Variants in PTPRD observed in about 807,000 individuals in gnomAD.
PTPRD encodes the protein receptor-type tyrosine-protein phosphatase delta.
PTPRD carries 34 observed loss-of-function variants against 214.5 expected under a neutral mutation model. That is an observed-to-expected ratio of 0.16 (90% CI 0.12 to 0.21). PTPRD has a LOEUF of 0.21. Among genes scored for constraint, PTPRD ranks in the 10% least tolerant of loss-of-function variants. PTPRD has a pLI of 1.00. For synonymous variants in PTPRD, 1,128 were observed against 845.7 expected, an observed-to-expected ratio of 1.33 and a Z score of -5.79; for missense variants, 2,545 against 2,398.7, an observed-to-expected ratio of 1.06 and a Z score of -1.27.
At chr9:8,383,971 G>C (rs1254965003) in intron 37 of PTPRD, among the ~76,000 whole-genome samples, 1 of 152,138 alleles carries the variant, frequency 6.6e-6, no homozygotes, top group African/African-American at 2.4e-5. Context: ...CATTCTCTCT[G>C]TGTTCTGTAT....
At chr9:10,591,136 C>T (rs61636706) in intron 2 of PTPRD, among the ~76,000 whole-genome samples, 3,873 of 151,930 alleles carry the variant, frequency 0.025, 167 homozygotes, top group African/African-American at 0.089. Context: ...CTTATTTAGA[C>T]CTGTTTTGTG....
At position 9,692,304 on chromosome 9, in the gene PTPRD, T is replaced by C. The variant is rs1482424839; in HGVS notation, c.-287+42229A>G. On this transcript the variant is annotated intron_variant, in intron 7 of 45. Transcript: ENST00000381196. Reference sequence around the variant, plus strand: ...TCCACTTTTTAATTTGATTGGTGTATAAAGCAAGAGGTAGGGATAAAGTTT... The same window carrying C: ...TCCACTTTTTAATTTGATTGGTGTACAAAGCAAGAGGTAGGGATAAAGTTT... Among the ~76,000 whole-genome samples the C allele has an allele frequency of 3.3e-5, 5 of 152,072 alleles. 1 individual carries two copies. The highest frequency in any genetic ancestry group is 1.2e-4 in the African/African-American group (5 of 41,464).
intron 8 of PTPRD, among the ~76,000 whole-genome samples, chr9:9,563,664 T>C (rs1307883958): frequency 1.3e-5 from 2 of 152,174 alleles, no homozygotes; most frequent in East Asian, 1.9e-4. Context: ...CATTATGTTA[T>C]ATGAAAATCA....
At chr9:9,185,204 C>A (rs2099930576) in intron 9 of PTPRD, among the ~76,000 whole-genome samples, 1 of 152,048 alleles carries the variant, frequency 6.6e-6, no homozygotes, top group African/African-American at 2.4e-5. Context: ...AAACAATAAC[C>A]AATCACAGAA....
At chr9:9,003,427 T>C (rs1479884308) in intron 11 of PTPRD, among the ~76,000 whole-genome samples, 1 of 152,058 alleles carries the variant, frequency 6.6e-6, no homozygotes, top group East Asian at 1.9e-4. Context: ...ACTTGTGTTC[T>C]ACCCTCTCAA....
At chr9:8,460,265 T>C in intron 33 of PTPRD, 146 bp downstream of exon 33, 1 of 959,920 alleles carries the variant, frequency 1.0e-6, no homozygotes, top group Non-Finnish European at 1.7e-6. Context: ...GATCTTACTG[T>C]AATGTAAACA....
At chr9:8,888,200 T>C (rs1377082247) in intron 11 of PTPRD, among the ~76,000 whole-genome samples, 2 of 152,188 alleles carry the variant, frequency 1.3e-5, no homozygotes, top group Non-Finnish European at 2.9e-5. Flanking sequence ...ATCTTACTTC[T>C]GAAAAGTGGA....
chr9:9,337,623 C>T lies in PTPRD; in HGVS notation c.-203+59826G>A, dbSNP rs116740441. ...GATGGACAACCTGACAAATCGCATACGTGAACCTGCAAATTTGAAGGCCAA... is the reference window on the plus strand; with the variant it reads ...GATGGACAACCTGACAAATCGCATATGTGAACCTGCAAATTTGAAGGCCAA... On this transcript the variant is annotated intron_variant, in intron 9 of 45. Transcript: ENST00000381196. Among the ~76,000 whole-genome samples the T allele has an allele frequency of 1.8e-3, 271 of 152,226 alleles. 2 individuals carry two copies. The highest frequency in any genetic ancestry group is 6.2e-3 in the African/African-American group (257 of 41,526).
At position 9,980,608 on chromosome 9, in the gene PTPRD, C is replaced by CAAAAAA. The variant is rs750547585; in HGVS notation, c.-471-42004_-471-41999dup. Among the ~76,000 whole-genome samples, 24 of 10,882 alleles carry CAAAAAA rather than the reference C, an allele frequency of 2.2e-3. 7 individuals are homozygous for CAAAAAA. Among genetic ancestry groups the CAAAAAA allele is most frequent in the African/African-American group, 5.1e-3 (14 of 2,758 alleles). The allele number at this position is 10,882 out of a possible 152,430, so 7.1% of individuals were successfully genotyped here. Reference sequence around the variant, plus strand: ...TGGGTAACAGAGTGAGACACCTTGTCAAAAAAAAACAAAAAAAAAAAAAAA... The same window carrying CAAAAAA: ...TGGGTAACAGAGTGAGACACCTTGTCAAAAAAAAAAAAAAACAAAAAAAAAAAAAAA... On this transcript the variant is annotated intron_variant, in intron 4 of 45. Transcript: ENST00000381196.
Position 8,726,588 on chromosome 9 carries a change from AATATATATATATATAT to A in PTPRD, c.64+7176_64+7191del, listed in dbSNP as rs1162966341. 2.9e-3 allele frequency among the ~76,000 whole-genome samples: 28 copies of A among 9,656 alleles called. 1 individual carries two copies. The highest frequency in any genetic ancestry group is 5.3e-3 in the South Asian group (1 of 190). The allele number at this position is 9,656 out of a possible 152,430, so 6.3% of individuals were successfully genotyped here. A position where few individuals can be genotyped will look rare whatever the true frequency, so the allele number is the denominator to read the frequency against. Reference sequence around the variant, plus strand: ...CTCTACTAAAAAAAAAAAAAAAAAAAATATATATATATATATATATATATATATATATATATATATA... The same window carrying A: ...CTCTACTAAAAAAAAAAAAAAAAAAAATATATATATATATATATATATATA... On this transcript the variant is annotated intron_variant, in intron 12 of 45. Coordinates refer to ENST00000381196, the MANE Select transcript of PTPRD (RefSeq NM_002839.4).
chr9:9,411,622 C>T (rs190493454), intron 8 of PTPRD, among the ~76,000 whole-genome samples: 6 of 152,196 alleles, frequency 3.9e-5, no homozygotes, highest in African/African-American at 1.4e-4. Flanking sequence ...TTGTATGCTG[C>T]GAAGTTGAAA....
In PTPRD at chr9:9,847,820, G is replaced by T. The variant is rs557087957; in HGVS notation, c.-367-80969C>A. 3.3e-5 allele frequency among the ~76,000 whole-genome samples: 5 copies of T among 152,128 alleles called. No individual in the cohort carries two copies. The South Asian group carries it at 1.0e-3, about 32-fold the overall frequency. On this transcript the variant is annotated intron_variant, in intron 5 of 45. Transcript: ENST00000381196. ...GCTGTCGGTGGAGCTGAGCCCTCAG[G>T]CTGGGAAATGAAAGTGCTTTGCCTT...
chr9:10,586,655 A>G (rs1198733403), intron 2 of PTPRD, among the ~76,000 whole-genome samples: 1 of 152,148 alleles, frequency 6.6e-6, no homozygotes, highest in Admixed American at 6.5e-5. Context: ...AGAAAGTAAA[A>G]TGAAGCAATG....
intron 44 of PTPRD, among the ~76,000 whole-genome samples, chr9:8,329,131 G>A (rs1837034579): frequency 6.6e-6 from 1 of 152,062 alleles, no homozygotes; most frequent in Admixed American, 6.6e-5. Context: ...GGAATGTTCA[G>A]CCTTTTTGTG....
chr9:9,947,364 T>TATATATATATTATATATATTATATATATA (rs2092756144), intron 4 of PTPRD, among the ~76,000 whole-genome samples: 7 of 39,646 alleles, frequency 1.8e-4, no homozygotes, highest in Admixed American at 1.1e-3. Context: ...TTATATATAT[T>TATATATATATTATATATATTATATATATA]ATATATATAT....
intron 39 of PTPRD, among the ~76,000 whole-genome samples, chr9:8,354,562 T>C (rs1372683832): frequency 1.3e-5 from 2 of 152,242 alleles, no homozygotes; most frequent in Non-Finnish European, 2.9e-5. Context: ...CTAATAAATT[T>C]TGGAGCATCT....
At chr9:10,529,317 C>T (rs1042739198) in intron 2 of PTPRD, among the ~76,000 whole-genome samples, 6 of 152,076 alleles carry the variant, frequency 3.9e-5, no homozygotes, top group Non-Finnish European at 8.8e-5. Context: ...TTGGAACCAA[C>T]CCAATTGCCC....
At chr9:9,636,274 G>A (rs191890980) in intron 7 of PTPRD, among the ~76,000 whole-genome samples, 495 of 152,208 alleles carry the variant, frequency 3.3e-3, no homozygotes, top group South Asian at 9.5e-3. Flanking sequence ...TTTAAACAAT[G>A]TCTAGGACTT....
chr9:9,794,532 G>A (rs2098989686), intron 5 of PTPRD, among the ~76,000 whole-genome samples: 1 of 151,972 alleles, frequency 6.6e-6, no homozygotes, highest in Non-Finnish European at 1.5e-5. Context: ...AGAGGTAAGT[G>A]AGGGATACTG....
Sources: gnomAD v4.1 joint callset for allele counts (sites outside exome capture counted in the v4.1 genomes callset) on GRCh38, gnomAD v4.1.1 for gene constraint, MANE v1.5 for transcripts, NCBI Gene and HGNC (gene_info 2026-07-23, HGNC 2026-07-21) for gene names.